The following GATB variants were observed in gnomAD, a reference collection of about 807,000 sequenced individuals.
The protein encoded by GATB is glutamyl-tRNA amidotransferase subunit B, also known as glutamyl-tRNA(Gln) amidotransferase subunit B, mitochondrial.
A neutral mutation model predicts 62.3 loss-of-function variants in GATB; 39 were observed. The ratio of observed to expected loss-of-function variants is 0.63; its 90% CI spans 0.48 to 0.82. GATB has a LOEUF of 0.82. GATB is among the 40% of genes least tolerant of loss of function. The probability of loss-of-function intolerance (pLI) is 0.00; values close to 1 mark genes in which losing one functional copy is unlikely to be tolerated. For missense variants in GATB, 670 were observed against 684.0 expected (o/e 0.98, Z 0.23); for synonymous variants, 276 against 258.9 (o/e 1.07, Z -0.63).
At chr4:151,750,311 C>T (rs558311882) in intron 2 of GATB, among the ~76,000 whole-genome samples, 3 of 152,326 alleles carry the variant, frequency 2.0e-5, no homozygotes, top group Non-Finnish European at 4.4e-5. Context: ...ACCTTCAGAT[C>T]TTTGAGCTGT....
intron 9 of GATB, among the ~76,000 whole-genome samples, chr4:151,689,699 T>C (rs1179491078): frequency 1.3e-5 from 2 of 151,886 alleles, no homozygotes; most frequent in Admixed American, 1.3e-4. Flanking sequence ...GCAGACGGAA[T>C]TGGTGTCTCC....
intron 5 of GATB, among the ~76,000 whole-genome samples, chr4:151,709,536 A>C (rs1738778451): frequency 6.6e-6 from 1 of 151,924 alleles, no homozygotes; most frequent in South Asian, 2.1e-4. Context: ...GTCATCTTCT[A>C]CTTCTCTGTT....
chr4:151,678,135 A>G (rs1377644089), intron 11 of GATB, among the ~76,000 whole-genome samples: 1 of 152,202 alleles, frequency 6.6e-6, no homozygotes, highest in African/African-American at 2.4e-5. Flanking sequence ...CAAGGCAATG[A>G]TACATCACGG....
At chr4:151,684,815 A>G (rs1185789374) in intron 10 of GATB, among the ~76,000 whole-genome samples, 1 of 152,204 alleles carries the variant, frequency 6.6e-6, no homozygotes, top group Non-Finnish European at 1.5e-5. Context: ...CAGGTTCTTA[A>G]AACTTTACTG....
chr4:151,706,898 G>A (rs991631336), intron 6 of GATB, among the ~76,000 whole-genome samples: 6 of 152,168 alleles, frequency 3.9e-5, no homozygotes. Context: ...GATAGCTTCG[G>A]TTTTAAAAAA....
intron 7 of GATB, among the ~76,000 whole-genome samples, 185 bp from the exon 8 acceptor site, chr4:151,704,080 C>CTT (rs755382233): frequency 1.1e-4 from 16 of 141,142 alleles, no homozygotes; most frequent in East Asian, 6.2e-4. Flanking sequence ...ACAGAATGAT[C>CTT]TTTTTTTTTT....
intron 5 of GATB, among the ~76,000 whole-genome samples, chr4:151,712,935 C>T (rs1185959842): frequency 6.6e-6 from 1 of 152,214 alleles, no homozygotes; most frequent in Admixed American, 6.5e-5. Context: ...GATGGCACAG[C>T]AGGAGGTGAG....
Position 151,759,246 on chromosome 4 carries a change from T to A in GATB, c.177-324A>T, listed in dbSNP as rs75502500. Among the ~76,000 whole-genome samples, 50 of 152,302 alleles carry A rather than the reference T, an allele frequency of 3.3e-4. No homozygotes were observed. In the East Asian group the frequency reaches 9.1e-3, roughly 28 times the overall value. ...AAATGGGTATCAGGTGACAACTGCTTGGCTGACTTCAGTGAAAAGCGGCAT... is the reference window on the plus strand; with the variant it reads ...AAATGGGTATCAGGTGACAACTGCTAGGCTGACTTCAGTGAAAAGCGGCAT... On this transcript the variant is annotated intron_variant, in intron 1 of 12. Coordinates refer to ENST00000263985, the MANE Select transcript of GATB (RefSeq NM_004564.3).
chr4:151,714,514 A>G (rs1347360766), intron 5 of GATB, among the ~76,000 whole-genome samples: 1 of 152,268 alleles, frequency 6.6e-6, no homozygotes, highest in Non-Finnish European at 1.5e-5. Flanking sequence ...TTGGATTTGT[A>G]TTTAAAAGAA....
Position 151,723,015 on chromosome 4 carries a change from T to A in GATB, c.328-3477A>T, listed in dbSNP as rs1305623585. ...AAAAACTAAAAAGACTAACTTGGCT[T>A]GAAGAAAGTATGTTCCAGAATTTCT... On this transcript the variant is annotated intron_variant, in intron 2 of 12. Coordinates refer to ENST00000263985, the MANE Select transcript of GATB (RefSeq NM_004564.3). 2.6e-5 allele frequency: 4 copies of A among 152,340 alleles called. No homozygotes were observed. The East Asian group carries it at 5.8e-4, about 22-fold the overall frequency. The allele number at this position is 152,340 out of a possible 1,614,324, so 9.4% of individuals were successfully genotyped here.
At chr4:151,733,187 C>A (rs1739303142) in intron 2 of GATB, among the ~76,000 whole-genome samples, 1 of 152,016 alleles carries the variant, frequency 6.6e-6, no homozygotes, top group Non-Finnish European at 1.5e-5. Context: ...AAAACTGGTT[C>A]TTTGAAAAGA....
intron 2 of GATB, among the ~76,000 whole-genome samples, chr4:151,758,558 A>G (rs554348659): frequency 3.4e-4 from 52 of 152,346 alleles, no homozygotes; most frequent in African/African-American, 1.2e-3. Flanking sequence ...ATGTTTGTGA[A>G]GTGATGAATA....
intron 6 of GATB, among the ~76,000 whole-genome samples, chr4:151,706,160 T>C (rs1738710146): frequency 6.6e-6 from 1 of 152,208 alleles, no homozygotes; most frequent in Non-Finnish European, 1.5e-5. Flanking sequence ...CACGAGATGA[T>C]GGCTAAATGG....
chr4:151,693,176 T>TA (rs34432289), intron 9 of GATB, among the ~76,000 whole-genome samples: 65 of 147,916 alleles, frequency 4.4e-4, no homozygotes, highest in African/African-American at 5.2e-4. Context: ...AACAGCTATG[T>TA]AAAAAAAAAA....
intron 3 of GATB, among the ~76,000 whole-genome samples, chr4:151,717,577 G>T (rs532385186): frequency 6.6e-6 from 1 of 152,228 alleles, no homozygotes; most frequent in East Asian, 1.9e-4. Flanking sequence ...GCTTTTTAAA[G>T]GAATCAATCA....
At chr4:151,719,863 A>G (rs1424312267) in intron 2 of GATB, 2 of 210,056 alleles carry the variant, frequency 9.5e-6, no homozygotes, top group Non-Finnish European at 1.9e-5. Context: ...TACATAGAAT[A>G]AATCTAATCT....
chr4:151,757,639 A>G (rs1739861982), intron 2 of GATB, among the ~76,000 whole-genome samples: 1 of 151,852 alleles, frequency 6.6e-6, no homozygotes, highest in African/African-American at 2.4e-5. Flanking sequence ...TGCCCGGCTA[A>G]TTTTTTGCAG....
chr4:151,708,238 C>G, intron 5 of GATB, 137 bp from the exon 6 acceptor site: 1 of 638,520 alleles, frequency 1.6e-6, no homozygotes, highest in Non-Finnish European at 2.8e-6. Context: ...AGAGAAGGCA[C>G]GGTTGGTTCT....
At chr4:151,684,468 C>T (rs1298650946) in intron 10 of GATB, among the ~76,000 whole-genome samples, 2 of 152,226 alleles carry the variant, frequency 1.3e-5, no homozygotes, top group Non-Finnish European at 2.9e-5. Flanking sequence ...TGCTAATTCA[C>T]GTAATCATTC....
Sources: gnomAD v4.1 joint callset for allele counts (sites outside exome capture counted in the v4.1 genomes callset) on GRCh38, gnomAD v4.1.1 for gene constraint, MANE v1.5 for transcripts, NCBI Gene and HGNC (gene_info 2026-07-23, HGNC 2026-07-21) for gene names.